The following NAV3 variants were observed in gnomAD, a reference collection of about 807,000 sequenced individuals.
NAV3 encodes neuron navigator 3, also known as pore membrane and/or filament interacting like protein 1.
In NAV3, 87 loss-of-function variants were observed where a neutral mutation model predicts 244.7. The ratio of observed to expected loss-of-function variants is 0.36; its 90% CI spans 0.30 to 0.42. The LOEUF (loss-of-function observed/expected upper bound fraction) is 0.42, where lower values mean the gene tolerates loss of function less well. Ranked by LOEUF, NAV3 falls within the 20% of genes least tolerant of loss-of-function variation. The pLI, the probability that NAV3 is intolerant of heterozygous loss-of-function variation, is 1.00. For synonymous variants in NAV3, 1,126 were observed against 1,042.2 expected (o/e 1.08, Z -1.55); for missense variants, 2,663 against 2,893.3 (o/e 0.92, Z 1.83).
At chr12:78,190,678 C>A (rs1002226757) in intron 34 of NAV3, among the ~76,000 whole-genome samples, 1 of 152,002 alleles carries the variant, frequency 6.6e-6, no homozygotes, top group African/African-American at 2.4e-5. Context: ...ATATTCCAAG[C>A]AGATATTCTG....
At chr12:77,776,728 A>G (rs1870378867) in intron 2 of NAV3, among the ~76,000 whole-genome samples, 2 of 152,188 alleles carry the variant, frequency 1.3e-5, no homozygotes, top group African/African-American at 4.8e-5. Flanking sequence ...ATTAATAGGA[A>G]CGAATATGCA....
At chr12:78,142,312 A>G (rs756130654) in intron 20 of NAV3, among the ~76,000 whole-genome samples, 5 of 152,100 alleles carry the variant, frequency 3.3e-5, no homozygotes, top group Non-Finnish European at 7.4e-5. Flanking sequence ...TTAAGAAAAA[A>G]CAGATTACTA....
chr12:77,706,940 T>G (rs1875842524), intron 2 of NAV3, among the ~76,000 whole-genome samples: 1 of 141,348 alleles, frequency 7.1e-6, no homozygotes, highest in Non-Finnish European at 1.5e-5. Context: ...CTTGACATAC[T>G]GATATTAAAC....
Position 78,057,643 on chromosome 12 carries a change from T to TTA in NAV3, c.2517-1343_2517-1342dup, listed in dbSNP as rs1033662815. ...TGTGCTAGACAATGCTGTATGCATG[T>TTA]TATATATATATTAACTCACTGGTAG... On this transcript the variant is annotated intron_variant, in intron 11 of 39. Transcript: ENST00000397909. Among the ~76,000 whole-genome samples, 17 of 152,276 alleles carry TTA rather than the reference T, an allele frequency of 1.1e-4. 1 individual carries two copies. In the South Asian group the frequency reaches 2.3e-3, roughly 20 times the overall value.
At chr12:78,150,443 T>G (rs1957029298) in intron 22 of NAV3, among the ~76,000 whole-genome samples, 1 of 152,108 alleles carries the variant, frequency 6.6e-6, no homozygotes, top group Non-Finnish European at 1.5e-5. Context: ...TGAAATGTAA[T>G]GATGCTTATT....
chr12:78,126,246 A>T (rs977157383), intron 16 of NAV3, among the ~76,000 whole-genome samples: 1 of 152,196 alleles, frequency 6.6e-6, no homozygotes, highest in Non-Finnish European at 1.5e-5. Flanking sequence ...TGAGTGATCA[A>T]ATTTTAGGTC....
At chr12:78,006,352 C>T (rs1303957864) in intron 7 of NAV3, 67 bp from the exon 8 acceptor site, 20 of 1,443,780 alleles carry the variant, frequency 1.4e-5, no homozygotes, top group Non-Finnish European at 1.9e-5. Flanking sequence ...TGGAAGTTCT[C>T]AATTATGTAA....
intron 1 of NAV3, among the ~76,000 whole-genome samples, chr12:77,906,752 T>TTAA (rs956153602): frequency 1.3e-5 from 2 of 152,122 alleles, no homozygotes; most frequent in African/African-American, 4.8e-5. Flanking sequence ...ACTTAATGAT[T>TTAA]TAATTCATAT....
chr12:77,940,753 C>T (rs1349071751), intron 2 of NAV3, among the ~76,000 whole-genome samples: 1 of 152,180 alleles, frequency 6.6e-6, no homozygotes, highest in Non-Finnish European at 1.5e-5. Context: ...GCTGGAGCAA[C>T]TCATACACTC....
chr12:78,155,319 C>T (rs1056645170), intron 22 of NAV3, among the ~76,000 whole-genome samples: 3 of 152,116 alleles, frequency 2.0e-5, no homozygotes, highest in African/African-American at 7.2e-5. Context: ...TAATGGCTTC[C>T]AGCTCCATCC....
At chr12:77,596,154 T>A (rs1870158874) in intron 2 of NAV3, among the ~76,000 whole-genome samples, 1 of 152,180 alleles carries the variant, frequency 6.6e-6, no homozygotes, top group Admixed American at 6.6e-5. Context: ...GGTACTTTCC[T>A]CGCTGTTTGA....
chr12:77,994,731 T>C, intron 5 of NAV3, 72 bp from the exon 6 acceptor site: 1 of 1,190,726 alleles, frequency 8.4e-7, no homozygotes, highest in Non-Finnish European at 1.2e-6. Context: ...CATAGTTTTC[T>C]TGTAAGTTTG....
chr12:77,704,552 A>G (rs1311507208), intron 2 of NAV3, among the ~76,000 whole-genome samples: 1 of 152,156 alleles, frequency 6.6e-6, no homozygotes, highest in African/African-American at 2.4e-5. Flanking sequence ...ATAAAGCAAA[A>G]CACATAATCT....
At chr12:78,139,311 A>C (rs925747481) in intron 19 of NAV3, among the ~76,000 whole-genome samples, 2 of 152,132 alleles carry the variant, frequency 1.3e-5, no homozygotes, top group Admixed American at 1.3e-4. Flanking sequence ...TCTCCTGATC[A>C]GGTCTTAAGC....
intron 22 of NAV3, among the ~76,000 whole-genome samples, chr12:78,157,235 T>C (rs1264237555): frequency 6.6e-6 from 1 of 151,952 alleles, no homozygotes; most frequent in Non-Finnish European, 1.5e-5. Context: ...TATATATGTG[T>C]GGATTTTTCC....
chr12:77,896,463 C>A (rs1041095775), intron 1 of NAV3, among the ~76,000 whole-genome samples: 5 of 151,848 alleles, frequency 3.3e-5, no homozygotes, highest in Non-Finnish European at 5.9e-5. Context: ...GTTACAAAGT[C>A]AAAAATTTAA....
rs1361050720 is a variant in NAV3, at chr12:78,190,219, G to A, written c.6291G>A (p.Lys2097=). The A allele has an allele frequency of 6.2e-7, 1 of 1,608,412 alleles. No homozygotes were observed. Residue 2097 remains lysine, a splice_region_variant and synonymous_variant, in exon 34 of 40, where the codon AAG becomes AAA. Transcript: ENST00000397909. ...ATFNVDHKSS[K]ELQQYLANLA... ...TTAATGTGGACCACAAGTCAAGTAA[G>A]GTATGTTACAGAATTCTAAGAGAAC...
chr12:77,868,107 T>C (rs1880360483), intron 1 of NAV3, among the ~76,000 whole-genome samples: 1 of 151,044 alleles, frequency 6.6e-6, no homozygotes, highest in East Asian at 1.9e-4. Context: ...TGTTCTAACT[T>C]CAGCTATTAA....
intron 2 of NAV3, among the ~76,000 whole-genome samples, chr12:77,652,407 G>C (rs897506498): frequency 6.6e-6 from 1 of 152,090 alleles, no homozygotes; most frequent in Admixed American, 6.6e-5. Flanking sequence ...TGTCTTCCTA[G>C]TACCTAATAT....
Sources: gnomAD v4.1 joint callset for allele counts (sites outside exome capture counted in the v4.1 genomes callset) on GRCh38, gnomAD v4.1.1 for gene constraint, MANE v1.5 for transcripts, NCBI Gene and HGNC (gene_info 2026-07-23, HGNC 2026-07-21) for gene names.